Variants in BPIFB1 observed in about 807,000 individuals in gnomAD.
BPIFB1 encodes BPI fold containing family B member 1, also known as BPI fold-containing family B member 1.
BPIFB1 carries 34 observed loss-of-function variants against 55.1 expected under a neutral mutation model. The observed-to-expected ratio is 0.62, with a 90% CI of 0.47 to 0.82. The LOEUF is 0.82. BPIFB1 is among the 40% of genes least tolerant of loss of function. BPIFB1 has a pLI of 0.00. For synonymous variants in BPIFB1, 236 were observed against 245.3 expected (o/e 0.96, Z 0.35); for missense variants, 532 against 593.1 (o/e 0.90, Z 1.07).
At chr20:33,292,625 G>A (rs1428467067) in intron 6 of BPIFB1, among the ~76,000 whole-genome samples, 1 of 152,202 alleles carries the variant, frequency 6.6e-6, no homozygotes, top group Admixed American at 6.5e-5. Context: ...GTACAAGCTG[G>A]CTCTAGCACG....
chr20:33,302,535 C>T (rs1255594365), intron 10 of BPIFB1, 123 bp downstream of exon 10: 14 of 1,054,464 alleles, frequency 1.3e-5, no homozygotes, highest in East Asian at 2.5e-5. Context: ...AAACCGCATC[C>T]CTGTCCGCAC....
At chr20:33,291,216 G>A (rs1980462408) in intron 5 of BPIFB1, 110 bp downstream of exon 5, 2 of 1,370,028 alleles carry the variant, frequency 1.5e-6, no homozygotes, top group South Asian at 1.4e-5. Context: ...GAGAAAGAAA[G>A]GGACTTATCC....
In BPIFB1 at chr20:33,294,062, T is replaced by C. The variant is rs1383267549; in HGVS notation, c.597+2074T>C. On this transcript the variant is annotated intron_variant, in intron 6 of 15. Transcript: ENST00000253354. The stretch of plus-strand genomic sequence containing the variant: ...CTCTAATAAGCTGGAGTTATGATTT[T>C]CAACTTCTGCTTCTGCACTAGTAAA... 2.0e-5 allele frequency among the ~76,000 whole-genome samples: 3 copies of C among 152,234 alleles called. No individual in the cohort carries two copies. The South Asian group carries it at 6.2e-4, about 32-fold the overall frequency.
In BPIFB1 at chr20:33,309,856, A is replaced by T; in HGVS notation, c.*89A>T. The T allele has an allele frequency of 8.1e-7, 1 of 1,233,952 alleles. No individual in the cohort carries two copies. The highest frequency in any genetic ancestry group is 1.2e-6 in the Non-Finnish European group (1 of 843,616). 76.4% of individuals were successfully genotyped at this position (1,233,952 alleles called of 1,614,324 possible). A position where few individuals can be genotyped will look rare whatever the true frequency, so the allele number is the denominator to read the frequency against. ...TAGACCATCCCTCTCTGCAATCAATAAACACTTGCCTGTGATGCCTGCCGT... is the reference window on the plus strand; with the variant it reads ...TAGACCATCCCTCTCTGCAATCAATTAACACTTGCCTGTGATGCCTGCCGT... On this transcript the variant is annotated 3_prime_UTR_variant, in exon 16 of 16. Transcript: ENST00000253354. The surrounding 1 kb of genome is among the most constrained non-coding windows in gnomAD (Gnocchi z 4.4).
At chr20:33,288,218 C>G (rs1158008706) in intron 2 of BPIFB1, among the ~76,000 whole-genome samples, 1 of 152,220 alleles carries the variant, frequency 6.6e-6, no homozygotes, top group African/African-American at 2.4e-5. Flanking sequence ...AAAAAGCCAG[C>G]TGGGACAAGA....
chr20:33,305,800 C>A (rs1274829126), intron 13 of BPIFB1, among the ~76,000 whole-genome samples: 3 of 152,062 alleles, frequency 2.0e-5, no homozygotes, highest in African/African-American at 4.8e-5. Flanking sequence ...ATCTACCAGG[C>A]CCCAGGGGCG....
intron 15 of BPIFB1, chr20:33,307,917 C>T (rs577258740): frequency 4.0e-5 from 6 of 151,222 alleles, no homozygotes; most frequent in Admixed American, 1.3e-4. Flanking sequence ...CCATCCCCCC[C>T]CCAAAAAAAA....
At chr20:33,285,190 C>G (rs1980223962) in intron 1 of BPIFB1, among the ~76,000 whole-genome samples, 1 of 151,934 alleles carries the variant, frequency 6.6e-6, no homozygotes, top group Non-Finnish European at 1.5e-5. Flanking sequence ...GAAAAGCATT[C>G]CAGGAAGCAA....
chr20:33,288,077 G>A (rs1009782358), intron 2 of BPIFB1, among the ~76,000 whole-genome samples: 2 of 152,168 alleles, frequency 1.3e-5, no homozygotes, highest in Non-Finnish European at 2.9e-5. Context: ...TCCTGCCTGA[G>A]GGGTGAGGGA....
In BPIFB1 at chr20:33,306,943, G is replaced by C; in HGVS notation, c.1351G>C (p.Val451Leu). The stretch of plus-strand genomic sequence containing the variant: ...AAGATCTGGGGTCCCAGTGTCATTG[G>C]TGAAGGCCTTGGGATTCGAGGCAGC... ...KLRSGVPVSL[V>L]KALGFEAAES... The change falls in exon 15 of 16, where the codon GTG (valine) becomes CTG (leucine). Residue 451 changes from valine (V) to leucine (L), a missense_variant. Coordinates refer to ENST00000253354, the MANE Select transcript of BPIFB1 (RefSeq NM_033197.3). 6.2e-7 allele frequency: 1 copy of C among 1,614,244 alleles called. No individual in the cohort carries two copies. Among genetic ancestry groups the C allele is most frequent in the Non-Finnish European group, 8.5e-7 (1 of 1,180,024 alleles).
chr20:33,299,098 A>G (rs1366988170), intron 7 of BPIFB1: 2 of 455,992 alleles, frequency 4.4e-6, no homozygotes, highest in Non-Finnish European at 8.8e-6. Flanking sequence ...CGGGCACTAT[A>G]CCCTCATTTT....
intron 6 of BPIFB1, among the ~76,000 whole-genome samples, chr20:33,295,214 C>CAAA (rs59451968): frequency 2.2e-4 from 26 of 119,988 alleles, no homozygotes; most frequent in African/African-American, 6.8e-4. Flanking sequence ...AACTCTATCT[C>CAAA]AAAAAAAAAA....
At chr20:33,291,263 T>A (rs1376633507) in intron 5 of BPIFB1, among the ~76,000 whole-genome samples, 157 bp downstream of exon 5, 1 of 152,210 alleles carries the variant, frequency 6.6e-6, no homozygotes, top group Non-Finnish European at 1.5e-5. Flanking sequence ...TTCCAGGGAA[T>A]CTGTGATGCC....
chr20:33,302,563 A>G (rs1049781084), intron 10 of BPIFB1, 151 bp downstream of exon 10: 38 of 857,934 alleles, frequency 4.4e-5, no homozygotes, highest in Non-Finnish European at 6.9e-5. Context: ...TCAGTCTAGC[A>G]GGCCAGTTTG....
At position 33,296,357 on chromosome 20, in the gene BPIFB1, C is replaced by T. The variant is rs940354348; in HGVS notation, c.598-1168C>T. ...TGGCAATGCAGCCAGGAGCAGGGAA[C>T]GGTTATTCATAGGAGTTAACATTTC... is the stretch of plus-strand genomic sequence containing the variant. On this transcript the variant is annotated intron_variant, in intron 6 of 15. Transcript: ENST00000253354. Among the ~76,000 whole-genome samples, 10 of 152,276 alleles carry T rather than the reference C, an allele frequency of 6.6e-5. No homozygotes were observed. The East Asian group carries it at 9.7e-4, about 15-fold the overall frequency.
At chr20:33,288,967 T>C in intron 3 of BPIFB1, 85 bp downstream of exon 3, 2 of 1,444,678 alleles carry the variant, frequency 1.4e-6, no homozygotes, top group Non-Finnish European at 9.3e-7. Flanking sequence ...TCAACCAGTC[T>C]GCAAGCATCG....
Position 33,285,792 on chromosome 20 carries a change from C to T in BPIFB1, c.-41-241C>T, listed in dbSNP as rs1980248068. 3.3e-5 allele frequency among the ~76,000 whole-genome samples: 5 copies of T among 152,092 alleles called. No homozygotes were observed. The South Asian group carries it at 1.0e-3, about 32-fold the overall frequency. On this transcript the variant is annotated intron_variant, in intron 1 of 15. Transcript: ENST00000253354. ...CATGTGAAAGACACCGTGCTAAATG[C>T]TTTCCAGATATTAACTCACTTAATC...
At chr20:33,301,806 C>T (rs922183310) in intron 9 of BPIFB1, among the ~76,000 whole-genome samples, 1 of 152,212 alleles carries the variant, frequency 6.6e-6, no homozygotes, top group African/African-American at 2.4e-5. Context: ...CAAGGCTCTC[C>T]TTTCTACTGA....
intron 14 of BPIFB1, 36 bp downstream of exon 14, chr20:33,306,101 C>T (rs772422147): frequency 6.2e-7 from 1 of 1,610,290 alleles, no homozygotes; most frequent in African/African-American, 1.3e-5. Context: ...CCTCTCTCCC[C>T]AGGGCTTGGC....
Sources: allele counts gnomAD v4.1 joint callset (sites outside exome capture counted in the v4.1 genomes callset), GRCh38; gene constraint gnomAD v4.1.1; non-coding constraint Gnocchi (gnomAD v3.1); transcripts MANE v1.5; gene names NCBI Gene and HGNC (gene_info 2026-07-23, HGNC 2026-07-21).